Variants in ABI1 observed in about 807,000 individuals in gnomAD.
The protein encoded by ABI1 is Abelson interactor 1.
ABI1 carries 14 observed loss-of-function variants against 54.6 expected under a neutral mutation model. That is an observed-to-expected ratio of 0.26 (90% confidence interval 0.17 to 0.40). The LOEUF is 0.40. Ranked by LOEUF, ABI1 falls within the 10% of genes least tolerant of loss-of-function variation. The pLI, the probability that ABI1 is intolerant of heterozygous loss-of-function variation, is 1.00. For missense variants in ABI1, 443 were observed against 598.3 expected (o/e 0.74, Z 2.71); for synonymous variants, 194 against 209.3 (o/e 0.93, Z 0.63).
intron 2 of ABI1, among the ~76,000 whole-genome samples, chr10:26,777,703 G>T (rs1841590137): frequency 6.6e-6 from 1 of 152,150 alleles, no homozygotes; most frequent in African/African-American, 2.4e-5. Context: ...CAACCGGGGA[G>T]GTCGAGGCTG....
chr10:26,789,542 G>A (rs746122234), intron 2 of ABI1, among the ~76,000 whole-genome samples: 65 of 152,144 alleles, frequency 4.3e-4, no homozygotes, highest in African/African-American at 1.5e-3. Context: ...TTGAAATTAC[G>A]CAGTGGTTCA....
intron 1 of ABI1, among the ~76,000 whole-genome samples, chr10:26,832,141 C>T (rs1047647392): frequency 6.6e-6 from 1 of 152,154 alleles, no homozygotes; most frequent in African/African-American, 2.4e-5. Flanking sequence ...ATGCCATGAC[C>T]GCTGACTGGC....
At chr10:26,835,226 G>T (rs369693038) in intron 1 of ABI1, among the ~76,000 whole-genome samples, 1 of 152,064 alleles carries the variant, frequency 6.6e-6, no homozygotes, top group South Asian at 2.1e-4. Context: ...ATACCCTGTT[G>T]GTTGAAATGT....
In ABI1 at chr10:26,823,201, C is replaced by A; in HGVS notation, c.222G>T (p.Gln74His). 1 of 1,605,966 alleles carries A rather than the reference C, an allele frequency of 6.2e-7. No individual in the cohort carries two copies. The highest frequency in any genetic ancestry group is 8.5e-7 in the Non-Finnish European group (1 of 1,177,376). Residue 74 changes from glutamine (Q) to histidine (H), a missense_variant, in exon 2 of 11, where the codon CAG becomes CAT. This residue lies in a region of ABI1 where 394 missense variants were observed against 484.8 expected (regional missense o/e 0.81). Coordinates refer to ENST00000376140, the MANE Select transcript of ABI1 (RefSeq NM_001012750.3). ...GCTGAGAGGCTTGGATATCCAGCAA[C>A]TGGAGTACATTGTTGGCCAATGCAT... ...QINALANNVL[Q>H]LLDIQASQLR... is the part of the protein sequence containing the mutation.
intron 6 of ABI1, among the ~76,000 whole-genome samples, chr10:26,768,519 C>G (rs980656067): frequency 1.3e-5 from 2 of 150,248 alleles, no homozygotes; most frequent in East Asian, 1.9e-4. Context: ...GCCTGGGCAA[C>G]GAGAGCAAAA....
chr10:26,748,816 GAC>G (rs146846937), intron 10 of ABI1, 71 bp from the exon 11 acceptor site: 114,193 of 1,129,850 alleles, frequency 0.1, 6,618 homozygotes, highest in South Asian at 0.12. Context: ...TTAAGACAAA[GAC>G]AATTAAATAT....
At chr10:26,798,156 G>A (rs538649583) in intron 2 of ABI1, among the ~76,000 whole-genome samples, 4 of 152,270 alleles carry the variant, frequency 2.6e-5, no homozygotes, top group African/African-American at 9.6e-5. Flanking sequence ...TAGCTTTTTG[G>A]CCTCTAGCAA....
chr10:26,757,751 A>C (rs986382726), intron 8 of ABI1, among the ~76,000 whole-genome samples: 7 of 152,158 alleles, frequency 4.6e-5, no homozygotes, highest in Admixed American at 4.6e-4. Context: ...TTGCTATAAC[A>C]TAATTTATGT....
chr10:26,801,289 T>A (rs746032129), intron 2 of ABI1, among the ~76,000 whole-genome samples: 12 of 152,110 alleles, frequency 7.9e-5, no homozygotes, highest in Non-Finnish European at 1.0e-4. Flanking sequence ...GGCTCATACC[T>A]ATAATCCCAG....
rs139595906 is a variant in ABI1 at position 26,857,778 on chromosome 10, G to A, written c.117+2969C>T. Among the ~76,000 whole-genome samples the A allele has an allele frequency of 3.5e-3, 535 of 151,206 alleles. 4 individuals are homozygous for A. The highest frequency in any genetic ancestry group is 0.029 in the East Asian group (152 of 5,170). On this transcript the variant is annotated intron_variant, in intron 1 of 10. Coordinates refer to ENST00000376140, the MANE Select transcript of ABI1 (RefSeq NM_001012750.3). Reference sequence around the variant, plus strand: ...GTGGGAGGACTGCTTGAGCCCAGGAGGTCAAGGCTGCAGTGAATGGTGTTC... The same window carrying A: ...GTGGGAGGACTGCTTGAGCCCAGGAAGTCAAGGCTGCAGTGAATGGTGTTC...
At chr10:26,763,457 G>C (rs1401882439) in intron 7 of ABI1, among the ~76,000 whole-genome samples, 1 of 151,898 alleles carries the variant, frequency 6.6e-6, no homozygotes. Flanking sequence ...ATGATCCACA[G>C]GAAAGCCTCA....
At chr10:26,806,569 T>C (rs1186235410) in intron 2 of ABI1, among the ~76,000 whole-genome samples, 1 of 152,124 alleles carries the variant, frequency 6.6e-6, no homozygotes, top group Non-Finnish European at 1.5e-5. Flanking sequence ...TTGCATAACG[T>C]TCTTAAACTC....
chr10:26,823,104 T>A (rs200228502), intron 2 of ABI1, 34 bp downstream of exon 2: 28 of 1,540,110 alleles, frequency 1.8e-5, no homozygotes, highest in East Asian at 1.2e-4. Flanking sequence ...TAGTTTTTTT[T>A]AAATTGAATT....
At chr10:26,836,711 G>A (rs1295970834) in intron 1 of ABI1, among the ~76,000 whole-genome samples, 3 of 152,160 alleles carry the variant, frequency 2.0e-5, no homozygotes, top group Non-Finnish European at 2.9e-5. Flanking sequence ...GGGTGAAAAT[G>A]TAAAGAATGT....
chr10:26,808,653 G>T (rs1408285515), intron 2 of ABI1, among the ~76,000 whole-genome samples: 2 of 151,932 alleles, frequency 1.3e-5, no homozygotes, highest in African/African-American at 4.8e-5. Context: ...AACGCAGGAG[G>T]CAGAGGTTGC....
intron 3 of ABI1, among the ~76,000 whole-genome samples, chr10:26,772,151 A>G (rs1295814008): frequency 1.3e-5 from 2 of 152,094 alleles, no homozygotes; most frequent in Non-Finnish European, 2.9e-5. Context: ...GTACACTTCA[A>G]TATTTGTTTA....
At chr10:26,800,546 G>A (rs2046480140) in intron 2 of ABI1, among the ~76,000 whole-genome samples, 1 of 152,148 alleles carries the variant, frequency 6.6e-6, no homozygotes, top group Non-Finnish European at 1.5e-5. Context: ...GGTAGGCCAA[G>A]GTGGGAGGAT....
At chr10:26,813,358 G>C (rs777975329) in intron 2 of ABI1, among the ~76,000 whole-genome samples, 2 of 150,712 alleles carry the variant, frequency 1.3e-5, no homozygotes, top group Non-Finnish European at 2.9e-5. Flanking sequence ...TCATAATGGG[G>C]ATAATGGCAC....
chr10:26,768,774 C>T, intron 6 of ABI1, 78 bp downstream of exon 6: 11 of 1,283,972 alleles, frequency 8.6e-6, no homozygotes, highest in Non-Finnish European at 1.2e-5. Context: ...CACCTTTACT[C>T]AGCACCTCCA....
Sources: allele counts gnomAD v4.1 joint callset (sites outside exome capture counted in the v4.1 genomes callset), GRCh38; gene constraint gnomAD v4.1.1; regional missense constraint gnomAD v4.1.1; transcripts MANE v1.5; gene names NCBI Gene and HGNC (gene_info 2026-07-23, HGNC 2026-07-21).